The following UBAP2L variants were observed in gnomAD, a reference collection of about 807,000 sequenced individuals.
UBAP2L encodes the protein ubiquitin-associated protein 2-like.
UBAP2L carries 12 observed loss-of-function variants against 130.6 expected under a neutral mutation model. The observed-to-expected ratio is 0.09, with a 90% confidence interval of 0.06 to 0.15. The LOEUF (loss-of-function observed/expected upper bound fraction) is 0.15. UBAP2L is among the 10% of genes least tolerant of loss of function. The pLI is 1.00. For missense variants in UBAP2L, 965 were observed against 1,332.5 expected, an observed-to-expected ratio of 0.72 and a Z score of 4.29; for synonymous variants, 503 against 524.7, an observed-to-expected ratio of 0.96 and a Z score of 0.57.
At chr1:154,259,684 G>C (rs900366624) in intron 21 of UBAP2L, 48 of 572,616 alleles carry the variant, frequency 8.4e-5, no homozygotes, top group Middle Eastern at 4.9e-4. Context: ...CACCTAGAGG[G>C]TTGAAAATAT....
chr1:154,246,490 T>C, intron 11 of UBAP2L, 115 bp downstream of exon 11: 1 of 1,201,560 alleles, frequency 8.3e-7, no homozygotes, highest in Admixed American at 2.5e-5. Context: ...CTCTTTGTCT[T>C]CTTAAGCAGA....
At chr1:154,247,461 TTAAAGA>T (rs1021150694) in intron 11 of UBAP2L, among the ~76,000 whole-genome samples, 2 of 152,206 alleles carry the variant, frequency 1.3e-5, no homozygotes, top group Non-Finnish European at 2.9e-5. Context: ...CTACCAACCC[TTAAAGA>T]TAAATGACTG....
At chr1:154,226,803 T>C (rs370808009) in intron 2 of UBAP2L, among the ~76,000 whole-genome samples, 128 of 152,340 alleles carry the variant, frequency 8.4e-4, no homozygotes, top group African/African-American at 2.9e-3. Flanking sequence ...TTTCACTCAA[T>C]TTTTTGTCAT....
intron 24 of UBAP2L, chr1:154,263,561 T>C: frequency 1.0e-6 from 1 of 980,992 alleles, no homozygotes. Flanking sequence ...TGCTGTGCTG[T>C]GGATGAAGGG....
chr1:154,268,151 A>G (rs937116948), intron 25 of UBAP2L, among the ~76,000 whole-genome samples: 2 of 151,318 alleles, frequency 1.3e-5, no homozygotes, highest in Admixed American at 6.6e-5. Flanking sequence ...GGCCTCCCAA[A>G]ATGCTGGGAT....
chr1:154,223,508 G>A (rs1666995365), intron 1 of UBAP2L, among the ~76,000 whole-genome samples: 1 of 131,364 alleles, frequency 7.6e-6, no homozygotes, highest in African/African-American at 3.0e-5. Flanking sequence ...TTGGATTCGG[G>A]GTACTTGGTT....
chr1:154,271,040 G>T (rs1684652330), downstream of UBAP2L: 2 of 1,250,110 alleles, frequency 1.6e-6, no homozygotes, highest in Non-Finnish European at 2.2e-6. Flanking sequence ...TCCTTGAGGG[G>T]ATTTCCTTCC....
At chr1:154,258,429 C>T (rs1680404431) in intron 20 of UBAP2L, among the ~76,000 whole-genome samples, 1 of 152,188 alleles carries the variant, frequency 6.6e-6, no homozygotes, top group African/African-American at 2.4e-5. Context: ...CTTCTGTGAC[C>T]TTCAAGTATT....
intron 24 of UBAP2L, 35 bp downstream of exon 24, chr1:154,261,732 GT>G: frequency 6.2e-7 from 1 of 1,601,314 alleles, no homozygotes; most frequent in South Asian, 1.1e-5. Flanking sequence ...GGTGTTATCT[GT>G]GGGGTGTTAT....
intron 23 of UBAP2L, among the ~76,000 whole-genome samples, 192 bp downstream of exon 23, chr1:154,261,301 C>T (rs1274997768): frequency 6.6e-6 from 1 of 152,150 alleles, no homozygotes; most frequent in Non-Finnish European, 1.5e-5. Flanking sequence ...TAGGGATTGC[C>T]TAGTCTTAGA....
At chr1:154,256,943 C>A in intron 18 of UBAP2L, 120 bp from the exon 19 acceptor site, 1 of 1,184,172 alleles carries the variant, frequency 8.4e-7, no homozygotes, top group Non-Finnish European at 1.2e-6. Flanking sequence ...GCCTACTTGG[C>A]CTCTTTAATT....
intron 8 of UBAP2L, among the ~76,000 whole-genome samples, chr1:154,238,646 A>G (rs1317370663): frequency 6.6e-6 from 1 of 152,186 alleles, no homozygotes; most frequent in East Asian, 1.9e-4. Context: ...TGGAAATCTG[A>G]TTTGTAGCTG....
At chr1:154,239,128 TA>T (rs202238354) in intron 8 of UBAP2L, among the ~76,000 whole-genome samples, 13 of 149,788 alleles carry the variant, frequency 8.7e-5, no homozygotes, top group African/African-American at 9.8e-5. Context: ...CCCTTTAAAT[TA>T]AAAAAAAAAT....
chr1:154,257,729 A>C, intron 20 of UBAP2L: 1 of 402,388 alleles, frequency 2.5e-6, no homozygotes, highest in South Asian at 3.1e-5. Context: ...ACATGTAATC[A>C]AACTGGTTTT....
rs570695522 is a variant in UBAP2L at position 154,254,553 on chromosome 1, C to T, written c.1855-283C>T. The T allele has an allele frequency of 7.7e-6, 4 of 516,696 alleles. No homozygotes were observed. In the Admixed American group the frequency reaches 1.2e-4, roughly 15 times the overall value. 32.0% of individuals were successfully genotyped at this position (516,696 alleles called of 1,614,324 possible). ...CACTGGATGTGGACTTTGGGCCTTTCCTCTATCTGTTTTAGGTTTGGGGTG... is the reference window on the plus strand; with the variant it reads ...CACTGGATGTGGACTTTGGGCCTTTTCTCTATCTGTTTTAGGTTTGGGGTG... On this transcript the variant is annotated intron_variant, in intron 15 of 26. Coordinates refer to ENST00000428931, the MANE Select transcript of UBAP2L (RefSeq NM_014847.4).
intron 23 of UBAP2L, 67 bp from the exon 24 acceptor site, chr1:154,261,525 C>T: frequency 6.7e-7 from 1 of 1,485,296 alleles, no homozygotes; most frequent in Non-Finnish European, 9.4e-7. Flanking sequence ...GTACCTGGAG[C>T]AGGACAAGTG....
Position 154,258,962 on chromosome 1 carries a change from G to T in UBAP2L, c.2443-15G>T. 1 of 1,612,532 alleles carries T rather than the reference G, an allele frequency of 6.2e-7. No homozygotes were observed. Among genetic ancestry groups the T allele is most frequent in the Non-Finnish European group, 8.5e-7 (1 of 1,178,860 alleles). The stretch of plus-strand genomic sequence containing the variant: ...TGACCAGTTCCTGTTATTGCTATAT[G>T]TCTGTATCTTTCAGCCACAAGTATA... On this transcript the variant is annotated splice_polypyrimidine_tract_variant and intron_variant, in intron 20 of 26. Transcript: ENST00000428931.
chr1:154,257,339 C>G lies in UBAP2L; in HGVS notation c.2354-7C>G. ...GTGATGGGATAAAAATGTAATTTCT[C>G]TTTTAGGAAAAGCTCCTCCCAACCT... On this transcript the variant is annotated splice_region_variant and splice_polypyrimidine_tract_variant and intron_variant, in intron 19 of 26. Transcript: ENST00000428931. 1 of 1,614,122 alleles carries G rather than the reference C, an allele frequency of 6.2e-7. No homozygotes were observed. Among genetic ancestry groups the G allele is most frequent in the Non-Finnish European group, 8.5e-7 (1 of 1,180,032 alleles).
At chr1:154,238,866 G>A (rs1282605469) in intron 8 of UBAP2L, among the ~76,000 whole-genome samples, 1 of 151,264 alleles carries the variant, frequency 6.6e-6, no homozygotes, top group Admixed American at 6.6e-5. Context: ...TCAGCCTCCT[G>A]AGTAGCTGGG....
Sources: allele counts gnomAD v4.1 joint callset (sites outside exome capture counted in the v4.1 genomes callset), GRCh38; gene constraint gnomAD v4.1.1; transcripts MANE v1.5; gene names NCBI Gene and HGNC (gene_info 2026-07-23, HGNC 2026-07-21).